The following OPCML variants were observed in gnomAD, a reference collection of about 807,000 sequenced individuals.
OPCML encodes opioid-binding protein/cell adhesion molecule.
In OPCML, 13 loss-of-function variants were observed where a neutral mutation model predicts 37.8. The observed-to-expected ratio is 0.34, with a 90% CI of 0.22 to 0.55. The LOEUF is 0.55. Ranked by LOEUF, OPCML falls within the 20% of genes least tolerant of loss-of-function variation. The probability of loss-of-function intolerance (pLI) is 0.91; values close to 1 mark genes in which losing one functional copy is unlikely to be tolerated. For missense variants in OPCML, 341 were observed against 435.6 expected (o/e 0.78, Z 1.93); for synonymous variants, 176 against 168.8 (o/e 1.04, Z -0.33).
chr11:133,421,006 A>C, intron 1 of OPCML: 1 of 985,430 alleles, frequency 1.0e-6, no homozygotes, highest in Non-Finnish European at 1.2e-6. Context: ...GCCTAGAATT[A>C]AACTAAAATA....
At chr11:132,486,188 T>C (rs1473943622) in intron 4 of OPCML, among the ~76,000 whole-genome samples, 1 of 152,190 alleles carries the variant, frequency 6.6e-6, no homozygotes, top group Non-Finnish European at 1.5e-5. Flanking sequence ...TCTCATACAA[T>C]TGTGTGGGTG....
chr11:133,324,273 G>C (rs1288871644), intron 1 of OPCML, among the ~76,000 whole-genome samples: 1 of 152,092 alleles, frequency 6.6e-6, no homozygotes, highest in Non-Finnish European at 1.5e-5. Flanking sequence ...ATCCCTGCCT[G>C]CTCCATGGTC....
At chr11:132,545,713 G>A (rs2096367212) in intron 3 of OPCML, among the ~76,000 whole-genome samples, 1 of 152,138 alleles carries the variant, frequency 6.6e-6, no homozygotes, top group Non-Finnish European at 1.5e-5. Flanking sequence ...GACAAAGGTA[G>A]CAGAGTATAT....
At chr11:132,540,489 C>G (rs1350020619) in intron 3 of OPCML, among the ~76,000 whole-genome samples, 1 of 152,080 alleles carries the variant, frequency 6.6e-6, no homozygotes. Flanking sequence ...AAGTCACATC[C>G]AATTATTTGA....
At position 132,781,156 on chromosome 11, in the gene OPCML, C is replaced by A. The variant is rs192007874; in HGVS notation, c.147-123837G>T. 2.3e-3 allele frequency among the ~76,000 whole-genome samples: 346 copies of A among 152,178 alleles called. 2 individuals carry two copies. Among genetic ancestry groups the A allele is most frequent in the African/African-American group, 7.9e-3 (329 of 41,530 alleles). On this transcript the variant is annotated intron_variant, in intron 2 of 7. Coordinates refer to ENST00000524381, the MANE Select transcript of OPCML (RefSeq NM_001012393.5). Reference sequence around the variant, plus strand: ...ATGTGTCAAGCTAATGAGGCCACAGCGTGCCCAGACATTTGGTCAACCGTT... The same window carrying A: ...ATGTGTCAAGCTAATGAGGCCACAGAGTGCCCAGACATTTGGTCAACCGTT...
intron 3 of OPCML, among the ~76,000 whole-genome samples, chr11:132,593,647 G>A (rs908383096): frequency 6.6e-6 from 1 of 152,108 alleles, no homozygotes; most frequent in African/African-American, 2.4e-5. Context: ...CTAGACATGG[G>A]AGAGAAATGG....
Position 132,535,899 on chromosome 11 carries a change from T to C in OPCML, c.380-6713A>G, listed in dbSNP as rs907204556. 2.6e-5 allele frequency among the ~76,000 whole-genome samples: 4 copies of C among 152,368 alleles called. No individual in the cohort carries two copies. In the East Asian group the frequency reaches 7.7e-4, roughly 29 times the overall value. ...CCAAAAGTAGGTGCTTATTGAAGGC[T>C]GCTTCCTCATTCTCTCCACATTGTC... On this transcript the variant is annotated intron_variant, in intron 3 of 7. Transcript: ENST00000524381.
At chr11:133,141,048 CGAA>C (rs1161324241) in intron 1 of OPCML, among the ~76,000 whole-genome samples, 3 of 5,788 alleles carry the variant, frequency 5.2e-4, no homozygotes, top group Non-Finnish European at 5.4e-4. Context: ...ACGACGACGA[CGAA>C]GAAGAAGAAG....
intron 1 of OPCML, among the ~76,000 whole-genome samples, chr11:133,450,320 T>C (rs1006793913): frequency 6.6e-6 from 1 of 151,716 alleles, no homozygotes; most frequent in Non-Finnish European, 1.5e-5. Flanking sequence ...CTCCAAATAC[T>C]ACAACCAGAT....
chr11:132,578,164 T>C (rs2096454949), intron 3 of OPCML, among the ~76,000 whole-genome samples: 3 of 152,248 alleles, frequency 2.0e-5, no homozygotes, highest in Admixed American at 6.5e-5. Flanking sequence ...TTTATAGCAC[T>C]GACTTCTGCA....
At chr11:133,223,856 G>A (rs2136370190) in intron 1 of OPCML, among the ~76,000 whole-genome samples, 1 of 152,266 alleles carries the variant, frequency 6.6e-6, no homozygotes, top group Admixed American at 6.5e-5. Flanking sequence ...GGCCACATCT[G>A]ACCCACCAGC....
At chr11:132,703,928 G>T (rs1943932515) in intron 2 of OPCML, among the ~76,000 whole-genome samples, 1 of 152,184 alleles carries the variant, frequency 6.6e-6, no homozygotes, top group African/African-American at 2.4e-5. Flanking sequence ...CTATGAAGGT[G>T]ACTTGGTACT....
chr11:133,036,784 C>T (rs971557587), intron 1 of OPCML, among the ~76,000 whole-genome samples: 2 of 152,184 alleles, frequency 1.3e-5, no homozygotes, highest in Admixed American at 6.5e-5. Flanking sequence ...AAAGAACTGG[C>T]AGCTTAAGTT....
intron 4 of OPCML, among the ~76,000 whole-genome samples, chr11:132,492,522 CGTTGTTGTTGTT>C (rs750298757): frequency 6.6e-6 from 1 of 151,746 alleles, no homozygotes; most frequent in African/African-American, 2.4e-5. Flanking sequence ...TTGTTGTTGT[CGTTGTTGTTGTT>C]GTTTTAACTG....
chr11:133,082,376 A>ACCCTCCCCTCTTC lies in OPCML; in HGVS notation c.62-139379_62-139367dup, dbSNP rs1293265320. Reference sequence around the variant, plus strand: ...GGACCCGCTGCGCCGTCCCCTCCCCACCCTCCCCTCTTCCCCTCCCCCGCA... The same window carrying ACCCTCCCCTCTTC: ...GGACCCGCTGCGCCGTCCCCTCCCCACCCTCCCCTCTTCCCCTCCCCTCTTCCCCTCCCCCGCA... On this transcript the variant is annotated intron_variant, in intron 1 of 7. Coordinates refer to ENST00000524381, the MANE Select transcript of OPCML (RefSeq NM_001012393.5). Among the ~76,000 whole-genome samples, 154 of 40,924 alleles carry ACCCTCCCCTCTTC rather than the reference A, an allele frequency of 3.8e-3. 2 individuals are homozygous for ACCCTCCCCTCTTC. Among genetic ancestry groups the ACCCTCCCCTCTTC allele is most frequent in the Middle Eastern group, 0.032 (2 of 62 alleles). The allele number at this position is 40,924 out of a possible 152,430, so 26.8% of individuals were successfully genotyped here.
chr11:133,302,917 C>T (rs1049939243), intron 1 of OPCML, among the ~76,000 whole-genome samples: 4 of 152,078 alleles, frequency 2.6e-5, no homozygotes, highest in Non-Finnish European at 4.4e-5. Context: ...AAACCTCTTC[C>T]TTTCTCTAAT....
intron 1 of OPCML, chr11:133,004,389 A>C (rs1032937770): frequency 2.9e-5 from 29 of 985,330 alleles, no homozygotes; most frequent in Non-Finnish European, 3.5e-5. Flanking sequence ...CTTCAGAGGA[A>C]GTTGGAATCG....
chr11:133,136,687 G>C (rs913877390), intron 1 of OPCML, among the ~76,000 whole-genome samples: 1 of 152,088 alleles, frequency 6.6e-6, no homozygotes, highest in Non-Finnish European at 1.5e-5. Flanking sequence ...GAAAGAGAGA[G>C]AGAATACGGG....
At chr11:132,494,904 A>G (rs1448136392) in intron 4 of OPCML, among the ~76,000 whole-genome samples, 2 of 152,178 alleles carry the variant, frequency 1.3e-5, no homozygotes, top group Non-Finnish European at 2.9e-5. Context: ...GAAGCTATTA[A>G]TTGTCTTAAG....
Sources: allele counts gnomAD v4.1 joint callset (sites outside exome capture counted in the v4.1 genomes callset), GRCh38; gene constraint gnomAD v4.1.1; transcripts MANE v1.5; gene names NCBI Gene and HGNC (gene_info 2026-07-23, HGNC 2026-07-21).